Variants in WDR7 observed in about 807,000 individuals in gnomAD.
WDR7 encodes the protein WD repeat-containing protein 7.
In WDR7, 46 loss-of-function variants were observed where a neutral mutation model predicts 169.4. The observed-to-expected ratio is 0.27, with a 90% CI of 0.21 to 0.35. The LOEUF is 0.35. Ranked by LOEUF, WDR7 falls within the 10% of genes least tolerant of loss-of-function variation. WDR7 has a pLI of 1.00. For missense variants in WDR7, 1,534 were observed against 1,859.3 expected (o/e 0.83, Z 3.22); for synonymous variants, 612 against 666.8 (o/e 0.92, Z 1.27).
chr18:56,901,301 G>A (rs2046397786), intron 21 of WDR7, among the ~76,000 whole-genome samples: 1 of 152,146 alleles, frequency 6.6e-6, no homozygotes, highest in Admixed American at 6.6e-5. Flanking sequence ...ATTGTCTTAA[G>A]TTTTGAAAGG....
intron 21 of WDR7, among the ~76,000 whole-genome samples, chr18:56,915,917 C>T (rs1332270373): frequency 6.6e-6 from 1 of 152,140 alleles, no homozygotes; most frequent in African/African-American, 2.4e-5. Context: ...AGGAGTTCTC[C>T]CCTCCTCCTT....
Position 56,968,328 on chromosome 18 carries a change from C to T in WDR7, c.4164+5799C>T, listed in dbSNP as rs551131901. On this transcript the variant is annotated intron_variant, in intron 26 of 27. Transcript: ENST00000254442. ...CTCTGAGGCTTTAGAATAAAAAAAA[C>T]TTTAAAAATATAATATGACATGGTA... 1.2e-4 allele frequency among the ~76,000 whole-genome samples: 19 copies of T among 152,198 alleles called. No homozygotes were observed. In the South Asian group the frequency reaches 2.3e-3, roughly 18 times the overall value.
In WDR7 at chr18:56,756,776, A is replaced by G. The variant is rs771070848; in HGVS notation, c.2183A>G (p.Asp728Gly). ...ENLQKASGSS[D>G]KGGSFLTGKR... ...TTGCAAAAAGCATCTGGCAGTTCAG[A>G]CAAAGGGGGCTCTTTTTTAACTGGA... Residue 728 changes from aspartate (D) to glycine (G), a missense_variant, in exon 15 of 28, where the codon GAC becomes GGC. By Grantham distance (94) the Asp-to-Gly change is moderately conservative. Coordinates refer to ENST00000254442, the MANE Select transcript of WDR7 (RefSeq NM_015285.3). 74 of 1,614,010 alleles carry G rather than the reference A, an allele frequency of 4.6e-5. No homozygotes were observed. Among genetic ancestry groups the G allele is most frequent in the Non-Finnish European group, 6.1e-5 (72 of 1,180,028 alleles).
chr18:56,772,899 T>C (rs2044186088), intron 16 of WDR7, among the ~76,000 whole-genome samples: 1 of 152,068 alleles, frequency 6.6e-6, no homozygotes, highest in African/African-American at 2.4e-5. Context: ...TTTAATGATA[T>C]AGAAGTAAAT....
intron 20 of WDR7, among the ~76,000 whole-genome samples, chr18:56,848,098 G>A (rs984131351): frequency 4.6e-5 from 7 of 152,214 alleles, no homozygotes; most frequent in African/African-American, 1.7e-4. Context: ...TCCAACCTGC[G>A]AGAGTAGCCA....
chr18:56,807,732 C>CA, intron 19 of WDR7, among the ~76,000 whole-genome samples: 1 of 149,330 alleles, frequency 6.7e-6, no homozygotes, highest in African/African-American at 2.5e-5. Flanking sequence ...AAACAAAGAT[C>CA]AAAACTCGTG....
intron 20 of WDR7, among the ~76,000 whole-genome samples, chr18:56,856,069 G>A (rs1023752252): frequency 6.6e-6 from 1 of 152,134 alleles, no homozygotes; most frequent in African/African-American, 2.4e-5. Context: ...GGAGCGCAGG[G>A]AAAATCCTAG....
At chr18:56,806,429 A>G (rs2044774442) in intron 19 of WDR7, among the ~76,000 whole-genome samples, 1 of 152,146 alleles carries the variant, frequency 6.6e-6, no homozygotes, top group Admixed American at 6.6e-5. Flanking sequence ...CTTTCTTCAA[A>G]TGAAAACTTC....
At chr18:56,820,813 A>G (rs1241672827) in intron 20 of WDR7, among the ~76,000 whole-genome samples, 1 of 152,110 alleles carries the variant, frequency 6.6e-6, no homozygotes, top group African/African-American at 2.4e-5. Context: ...TTTTTTTTGT[A>G]GGTATGATCT....
intron 27 of WDR7, among the ~76,000 whole-genome samples, chr18:57,025,609 C>A (rs1417954333): frequency 6.6e-6 from 1 of 151,942 alleles, no homozygotes; most frequent in Non-Finnish European, 1.5e-5. Context: ...TTTTTTTTCA[C>A]CTCTGTGTTG....
At chr18:56,961,573 C>A (rs1568288143) in intron 25 of WDR7, among the ~76,000 whole-genome samples, 1 of 152,112 alleles carries the variant, frequency 6.6e-6, no homozygotes, top group East Asian at 1.9e-4. Context: ...TTATACTTCT[C>A]ATAATTTTTA....
At chr18:56,978,071 C>T (rs778247557) in intron 26 of WDR7, among the ~76,000 whole-genome samples, 7 of 152,334 alleles carry the variant, frequency 4.6e-5, no homozygotes, top group Non-Finnish European at 1.0e-4. Flanking sequence ...CAACAACTTA[C>T]ATGCCATTAT....
intron 19 of WDR7, among the ~76,000 whole-genome samples, chr18:56,808,552 A>G (rs1308544098): frequency 2.0e-5 from 3 of 152,126 alleles, no homozygotes; most frequent in African/African-American, 4.8e-5. Context: ...AATGAACTGA[A>G]GTGGTTTTAT....
intron 1 of WDR7, among the ~76,000 whole-genome samples, chr18:56,669,194 A>G (rs2025082696): frequency 6.6e-6 from 1 of 152,136 alleles, no homozygotes; most frequent in African/African-American, 2.4e-5. Context: ...ATTTCTATAC[A>G]GAGCTGAGAA....
intron 13 of WDR7, among the ~76,000 whole-genome samples, chr18:56,725,724 T>G (rs1022569578): frequency 1.3e-5 from 2 of 152,202 alleles, no homozygotes; most frequent in African/African-American, 4.8e-5. Flanking sequence ...CATGAAGTCC[T>G]TGCCTATGCC....
chr18:56,679,968 C>T (rs1271196937), intron 3 of WDR7, among the ~76,000 whole-genome samples: 1 of 152,098 alleles, frequency 6.6e-6, no homozygotes, highest in East Asian at 1.9e-4. Context: ...AAAAGATTTA[C>T]AAACAGTTTT....
chr18:56,813,920 C>A (rs2044919834), intron 19 of WDR7, among the ~76,000 whole-genome samples: 1 of 152,128 alleles, frequency 6.6e-6, no homozygotes, highest in Non-Finnish European at 1.5e-5. Flanking sequence ...AGTTAACTGG[C>A]ACAGCACAGG....
chr18:56,769,509 C>T (rs1433572313), intron 16 of WDR7, among the ~76,000 whole-genome samples: 3 of 152,070 alleles, frequency 2.0e-5, no homozygotes, highest in African/African-American at 4.8e-5. Flanking sequence ...GTTCTACGTT[C>T]TAATGTACTG....
intron 22 of WDR7, among the ~76,000 whole-genome samples, chr18:56,927,093 GA>G (rs966985089): frequency 5.3e-5 from 8 of 150,616 alleles, no homozygotes; most frequent in African/African-American, 1.5e-4. Context: ...TATTGAAAAA[GA>G]AAAAAAAACA....
Sources: allele counts gnomAD v4.1 joint callset (sites outside exome capture counted in the v4.1 genomes callset), GRCh38; gene constraint gnomAD v4.1.1; transcripts MANE v1.5; gene names NCBI Gene and HGNC (gene_info 2026-07-23, HGNC 2026-07-21).